The following PCDHA1 variants were observed in gnomAD, a reference collection of about 807,000 sequenced individuals.
PCDHA1 encodes the protein protocadherin alpha-1.
Under a neutral mutation model 61.3 loss-of-function variants are expected in PCDHA1, and 42 were observed. The observed-to-expected ratio is 0.69, with a 90% CI of 0.54 to 0.89. The LOEUF is 0.89. PCDHA1 is among the 40% of genes least tolerant of loss of function. PCDHA1 has a pLI of 0.00. For synonymous variants in PCDHA1, 610 were observed against 553.8 expected (o/e 1.10, Z -1.43); for missense variants, 1,256 against 1,235.3 (o/e 1.02, Z -0.25).
rs370463257 is a variant in PCDHA1, at chr5:140,796,516, T to C, written c.2394+7832T>C. The C allele has an allele frequency of 2.1e-5, 34 of 1,612,400 alleles. No homozygotes were observed. In the African/African-American group the frequency reaches 2.3e-4, roughly 11 times the overall value. ...GGTGCACGCGGAGAGCGGCAAGGTG[T>C]ACGCGCTGCAGCCGCTGGACCACGA... On this transcript the variant is annotated intron_variant, in intron 1 of 3. Transcript: ENST00000504120.
At chr5:140,822,035 C>A (rs2150113040) in intron 1 of PCDHA1, 15 of 1,614,084 alleles carry the variant, frequency 9.3e-6, no homozygotes, top group Non-Finnish European at 1.2e-5. Flanking sequence ...TTTGTGAATT[C>A]TCGGATCGAC....
chr5:141,005,308 TA>T (rs1345689314), intron 3 of PCDHA1, among the ~76,000 whole-genome samples: 4 of 152,214 alleles, frequency 2.6e-5, no homozygotes, highest in Non-Finnish European at 4.4e-5. Context: ...TTGTGAATCT[TA>T]CAGTGGTAGA....
intron 1 of PCDHA1, chr5:140,929,505 C>A: frequency 1.2e-6 from 1 of 840,606 alleles, no homozygotes; most frequent in Non-Finnish European, 1.7e-6. Flanking sequence ...TGCCCTAGGC[C>A]TCAAGGGACT....
chr5:140,882,265 T>A (rs782012488), intron 1 of PCDHA1: 2 of 1,609,948 alleles, frequency 1.2e-6, no homozygotes, highest in African/African-American at 2.7e-5. Flanking sequence ...TTTTGGAGTG[T>A]ACCATGCTGT....
chr5:140,962,023 A>G (rs565113928), intron 1 of PCDHA1, among the ~76,000 whole-genome samples: 3 of 152,062 alleles, frequency 2.0e-5, no homozygotes, highest in African/African-American at 7.2e-5. Flanking sequence ...AGCTGGGACT[A>G]CAGGCACCCA....
intron 1 of PCDHA1, among the ~76,000 whole-genome samples, chr5:140,819,167 G>A (rs1766503722): frequency 6.6e-6 from 1 of 152,002 alleles, no homozygotes; most frequent in Non-Finnish European, 1.5e-5. Flanking sequence ...ATTAATTTTT[G>A]AAGAATCAAA....
intron 1 of PCDHA1, among the ~76,000 whole-genome samples, chr5:140,895,788 G>A (rs947578940): frequency 3.9e-5 from 6 of 152,014 alleles, no homozygotes; most frequent in East Asian, 1.9e-4. Context: ...ATTCAATGAC[G>A]TATATGTACA....
At chr5:140,795,628 C>T in intron 1 of PCDHA1, 1 of 1,614,146 alleles carries the variant, frequency 6.2e-7, no homozygotes, top group Non-Finnish European at 8.5e-7. Context: ...CAAACCTGAG[C>T]TCACGGGCAC....
intron 1 of PCDHA1, among the ~76,000 whole-genome samples, chr5:140,880,559 G>A (rs929072104): frequency 2.0e-5 from 3 of 152,224 alleles, no homozygotes; most frequent in Non-Finnish European, 4.4e-5. Context: ...TGGAAATGAG[G>A]TTGAGAATTT....
intron 1 of PCDHA1, chr5:140,828,072 T>C (rs2150150600): frequency 1.3e-6 from 2 of 1,566,666 alleles, no homozygotes; most frequent in Non-Finnish European, 1.7e-6. Flanking sequence ...CTAATGGAAA[T>C]AAAACCAGAG....
chr5:140,815,956 G>A (rs1554126939), intron 1 of PCDHA1: 1 of 152,172 alleles, frequency 6.6e-6, no homozygotes, highest in Non-Finnish European at 1.5e-5. Context: ...GGTAGAGTTA[G>A]GGGTGTTCTT....
intron 1 of PCDHA1, chr5:140,969,555 C>A: frequency 1.6e-6 from 2 of 1,213,380 alleles, no homozygotes; most frequent in Non-Finnish European, 2.2e-6. Flanking sequence ...GAAGCCTTGT[C>A]CATAAAATTG....
chr5:140,969,700 A>G (rs2096354004), intron 1 of PCDHA1, among the ~76,000 whole-genome samples: 1 of 152,178 alleles, frequency 6.6e-6, no homozygotes. Context: ...CCTCTGCTGT[A>G]TCATCTACAG....
At chr5:140,828,851 A>T in intron 1 of PCDHA1, 1 of 1,614,240 alleles carries the variant, frequency 6.2e-7, no homozygotes, top group South Asian at 1.1e-5. Context: ...AATATTCGAA[A>T]ATGCAGACAA....
At chr5:140,877,490 G>T (rs2057160256) in intron 1 of PCDHA1, 2 of 1,613,718 alleles carry the variant, frequency 1.2e-6, no homozygotes, top group Non-Finnish European at 1.7e-6. Flanking sequence ...GTGGAGAACG[G>T]CCAGGCCCCA....
chr5:140,849,171 G>A (rs1554142799), intron 1 of PCDHA1: 3 of 1,114,430 alleles, frequency 2.7e-6, no homozygotes, highest in South Asian at 1.5e-5. Context: ...GACTGGCACC[G>A]TTCAATTACT....
At chr5:140,900,572 G>A (rs1244478745) in intron 1 of PCDHA1, among the ~76,000 whole-genome samples, 3 of 152,068 alleles carry the variant, frequency 2.0e-5, no homozygotes, top group Non-Finnish European at 4.4e-5. Flanking sequence ...CCACGGCACC[G>A]GCCCATTTTC....
chr5:140,829,868 A>G, intron 1 of PCDHA1: 1 of 1,613,886 alleles, frequency 6.2e-7, no homozygotes, highest in East Asian at 2.2e-5. Context: ...AGTGGTGGCG[A>G]AGGTGCGCGC....
At chr5:140,801,260 C>A (rs1290805371) in intron 1 of PCDHA1, 1 of 1,613,632 alleles carries the variant, frequency 6.2e-7, no homozygotes, top group Non-Finnish European at 8.5e-7. Context: ...TTCTGCTCCT[C>A]GCAGCCTCGG....
Sources: allele counts gnomAD v4.1 joint callset (sites outside exome capture counted in the v4.1 genomes callset), GRCh38; gene constraint gnomAD v4.1.1; transcripts MANE v1.5; gene names NCBI Gene and HGNC (gene_info 2026-07-23, HGNC 2026-07-21).